LRRC8C: variants seen among roughly 807,000 people sequenced by gnomAD.
The protein encoded by LRRC8C is leucine rich repeat containing 8 VRAC subunit C, also known as volume-regulated anion channel subunit LRRC8C.
A neutral mutation model predicts 55.3 loss-of-function variants in LRRC8C; 20 were observed. The ratio of observed to expected loss-of-function variants is 0.36; its 90% CI spans 0.25 to 0.53. The LOEUF (loss-of-function observed/expected upper bound fraction) is 0.53. Ranked by LOEUF, LRRC8C falls within the 20% of genes least tolerant of loss-of-function variation. The pLI is 0.92. For synonymous variants in LRRC8C, 376 were observed against 360.7 expected (o/e 1.04, Z -0.48); for missense variants, 659 against 951.4 (o/e 0.69, Z 4.04).
At chr1:89,622,742 C>CAACT in the LRRC8C span, among the ~76,000 whole-genome samples, 2 of 152,172 alleles carry the variant, frequency 1.3e-5, no homozygotes, top group Non-Finnish European at 2.9e-5. Flanking sequence ...TGTCAGCCTA[C>CAACT]AACTTGCTTG....
rs1053233123 is a variant in LRRC8C, at chr1:89,718,290, G to C, written c.*3308G>C. ...GGTACTGCTTTTTCAGAAAGACCTG[G>C]AAAACATACCTGCTATGAATATTTT... is the stretch of plus-strand genomic sequence containing the variant. On this transcript the variant is annotated 3_prime_UTR_variant, in exon 3 of 3. Transcript: ENST00000370454. The C allele has an allele frequency of 6.6e-6, 1 of 152,070 alleles. No homozygotes were observed. Among genetic ancestry groups the C allele is most frequent in the African/African-American group, 2.4e-5 (1 of 41,420 alleles). The allele number at this position is 152,070 out of a possible 1,614,324, so 9.4% of individuals were successfully genotyped here.
chr1:89,705,510 G>A (rs1318652372), intron 2 of LRRC8C, among the ~76,000 whole-genome samples: 2 of 152,040 alleles, frequency 1.3e-5, no homozygotes, highest in African/African-American at 4.8e-5. Context: ...CGGGTGCAGT[G>A]GCTCATGCCT....
Position 89,712,746 on chromosome 1 carries a change from T to C in LRRC8C, c.176T>C (p.Val59Ala). The C allele has an allele frequency of 1.2e-6, 2 of 1,614,100 alleles. No homozygotes were observed. Among genetic ancestry groups the C allele is most frequent in the Non-Finnish European group, 1.7e-6 (2 of 1,180,028 alleles). ...QDKIICLPKR[V>A]QPAQNHSSLS... ...AAGATAATCTGCCTTCCGAAAAGAG[T>C]GCAGCCTGCTCAGAACCACTCTTCC... Residue 59 changes from valine (V) to alanine (A), a missense_variant, in exon 3 of 3, where the codon GTG becomes GCG. Coordinates refer to ENST00000370454, the MANE Select transcript of LRRC8C (RefSeq NM_032270.5).
chr1:89,668,912 C>A (rs1400105799), intron 1 of LRRC8C, among the ~76,000 whole-genome samples: 4 of 152,048 alleles, frequency 2.6e-5, no homozygotes, highest in Non-Finnish European at 2.9e-5. Flanking sequence ...TTTGTTTCTT[C>A]TGTTTTTATA....
At chr1:89,643,635 T>G (rs938508313) in intron 1 of LRRC8C, among the ~76,000 whole-genome samples, 4 of 152,260 alleles carry the variant, frequency 2.6e-5, no homozygotes, top group Non-Finnish European at 5.9e-5. Flanking sequence ...AGTTGTGTTT[T>G]TGTAAGTTTA....
chr1:89,677,072 G>T (rs1328739192), intron 1 of LRRC8C, among the ~76,000 whole-genome samples: 1 of 152,160 alleles, frequency 6.6e-6, no homozygotes, highest in East Asian at 1.9e-4. Context: ...ACAGCCTGAA[G>T]CACACACAAT....
At position 89,677,195 on chromosome 1, in the gene LRRC8C, C is replaced by T. The variant is rs532848931; in HGVS notation, c.-4-9275C>T. Among the ~76,000 whole-genome samples the T allele has an allele frequency of 3.3e-5, 5 of 152,272 alleles. No homozygotes were observed. The South Asian group carries it at 1.0e-3, about 32-fold the overall frequency. The stretch of plus-strand genomic sequence containing the variant: ...GAAGTACTTTTGCCACACCCACCAA[C>T]ACCCTTAGAAAAATAGGTTAAGCTC... On this transcript the variant is annotated intron_variant, in intron 1 of 2. Transcript: ENST00000370454.
intron 2 of LRRC8C, among the ~76,000 whole-genome samples, chr1:89,694,924 CTTTTT>C (rs113354519): frequency 7.8e-6 from 1 of 128,284 alleles, no homozygotes. Flanking sequence ...AGTATAAAGA[CTTTTT>C]TTTTTTTTTT....
At chr1:89,710,518 C>G (rs1658621617) in intron 2 of LRRC8C, among the ~76,000 whole-genome samples, 1 of 152,202 alleles carries the variant, frequency 6.6e-6, no homozygotes, top group South Asian at 2.1e-4. Context: ...TAGGCATACT[C>G]AACATTTTCC....
intron 2 of LRRC8C, among the ~76,000 whole-genome samples, chr1:89,694,961 G>A (rs1231310900): frequency 1.7e-4 from 24 of 142,624 alleles, no homozygotes; most frequent in East Asian, 1.6e-3. Context: ...TCTCACTGTC[G>A]CCCAGGCTGG....
At chr1:89,635,256 A>G (rs1252532205) in intron 1 of LRRC8C, among the ~76,000 whole-genome samples, 1 of 152,236 alleles carries the variant, frequency 6.6e-6, no homozygotes, top group Admixed American at 6.5e-5. Context: ...TTAATACTCT[A>G]TAGTATTATT....
chr1:89,626,170 T>C, the LRRC8C span: 1 of 152,242 alleles, frequency 6.6e-6, no homozygotes, highest in Non-Finnish European at 1.5e-5. Flanking sequence ...AACGCAGTTA[T>C]AGCAGTGATA....
At chr1:89,642,560 C>G (rs748413086) in intron 1 of LRRC8C, among the ~76,000 whole-genome samples, 2 of 151,918 alleles carry the variant, frequency 1.3e-5, no homozygotes, top group African/African-American at 4.8e-5. Context: ...ACTAAAAATA[C>G]AAAAATTGGC....
intron 1 of LRRC8C, among the ~76,000 whole-genome samples, chr1:89,643,017 CAAAAAAAAA>C (rs34145647): frequency 0.025 from 2,776 of 109,532 alleles, 105 homozygotes; most frequent in African/African-American, 0.086. Flanking sequence ...GACTGTGTCT[CAAAAAAAAA>C]AAAAAAAAAA....
At chr1:89,619,171 G>A in the LRRC8C span, among the ~76,000 whole-genome samples, 1 of 152,092 alleles carries the variant, frequency 6.6e-6, no homozygotes, top group Non-Finnish European at 1.5e-5. Context: ...TTATTGGTGT[G>A]TAGCCATTTT....
At chr1:89,619,819 A>G in the LRRC8C span, among the ~76,000 whole-genome samples, 1 of 152,208 alleles carries the variant, frequency 6.6e-6, no homozygotes, top group Non-Finnish European at 1.5e-5. Flanking sequence ...AATATTTTAT[A>G]TGTATTAAAT....
intron 2 of LRRC8C, among the ~76,000 whole-genome samples, chr1:89,700,216 G>C (rs1221296630): frequency 6.6e-6 from 1 of 151,936 alleles, no homozygotes; most frequent in Non-Finnish European, 1.5e-5. Flanking sequence ...CCTGCCTCTG[G>C]AACCACAGGC....
Position 89,696,901 on chromosome 1 carries a change from C to T in LRRC8C, c.138+10290C>T, listed in dbSNP as rs566624039. Among the ~76,000 whole-genome samples the T allele has an allele frequency of 5.3e-5, 8 of 152,216 alleles. No homozygotes were observed. The South Asian group carries it at 1.2e-3, about 24-fold the overall frequency. ...GGAAAAGTGCGTAGATGAAATTCTC[C>T]CTCTATAGGTAAAAGACCTGTTTGT... On this transcript the variant is annotated intron_variant, in intron 2 of 2. Coordinates refer to ENST00000370454, the MANE Select transcript of LRRC8C (RefSeq NM_032270.5).
intron 1 of LRRC8C, among the ~76,000 whole-genome samples, chr1:89,684,933 CCGTTGAAATTT>C (rs1657826019): frequency 6.6e-6 from 1 of 152,056 alleles, no homozygotes; most frequent in African/African-American, 2.4e-5. Flanking sequence ...CATCGCCAGG[CCGTTGAAATTT>C]TCAACACTGT....
Sources: gnomAD v4.1 joint callset for allele counts (sites outside exome capture counted in the v4.1 genomes callset) on GRCh38, gnomAD v4.1.1 for gene constraint, MANE v1.5 for transcripts, NCBI Gene and HGNC (gene_info 2026-07-23, HGNC 2026-07-21) for gene names.